BPIFB1: variants seen among roughly 807,000 people sequenced by gnomAD.
BPIFB1 encodes the protein BPI fold containing family B member 1, also known as BPI fold-containing family B member 1.
A neutral mutation model predicts 55.1 loss-of-function variants in BPIFB1; 34 were observed. The ratio of observed to expected loss-of-function variants is 0.62; its 90% CI spans 0.47 to 0.82. The LOEUF is 0.82. BPIFB1 is among the 40% of genes least tolerant of loss of function. BPIFB1 has a pLI of 0.00. For synonymous variants in BPIFB1, 236 were observed against 245.3 expected (o/e 0.96, Z 0.35); for missense variants, 532 against 593.1 (o/e 0.90, Z 1.07).
chr20:33,304,788 G>A, intron 12 of BPIFB1, 58 bp from the exon 13 acceptor site: 1 of 1,602,366 alleles, frequency 6.2e-7, no homozygotes, highest in Non-Finnish European at 8.6e-7. Flanking sequence ...TGTTGAATGA[G>A]TGGATGGTGA....
At chr20:33,288,664 TC>T in intron 2 of BPIFB1, 76 bp from the exon 3 acceptor site, 1 of 1,551,966 alleles carries the variant, frequency 6.4e-7, no homozygotes, top group Non-Finnish European at 8.8e-7. Context: ...GTGATACCCC[TC>T]CCCAGCCTGG....
chr20:33,297,351 G>A (rs1352690948), intron 6 of BPIFB1, among the ~76,000 whole-genome samples, 174 bp from the exon 7 acceptor site: 1 of 152,256 alleles, frequency 6.6e-6, no homozygotes, highest in Non-Finnish European at 1.5e-5. Context: ...GGTCCCAGGT[G>A]GCCCTGCAGG....
chr20:33,305,720 C>A (rs1291463388), intron 13 of BPIFB1, among the ~76,000 whole-genome samples: 1 of 152,120 alleles, frequency 6.6e-6, no homozygotes, highest in African/African-American at 2.4e-5. Context: ...TCCCTCAGGG[C>A]AAATTCAGCT....
intron 1 of BPIFB1, among the ~76,000 whole-genome samples, chr20:33,284,163 G>T (rs866001068): frequency 1.3e-5 from 2 of 152,160 alleles, no homozygotes; most frequent in African/African-American, 4.8e-5. Context: ...AAAAGCCTAT[G>T]ACATAAGTAC....
At chr20:33,307,124 A>G (rs1981057220) in intron 15 of BPIFB1, 137 bp downstream of exon 15, 2 of 702,192 alleles carry the variant, frequency 2.8e-6, no homozygotes, top group Admixed American at 2.3e-5. Context: ...TCAGGGCCTC[A>G]CCTCCTCATC....
chr20:33,299,585 T>C (rs912973201), intron 7 of BPIFB1, among the ~76,000 whole-genome samples: 1 of 152,208 alleles, frequency 6.6e-6, no homozygotes. Flanking sequence ...TCTCATAGTA[T>C]GGCTTTGAAC....
In BPIFB1 at chr20:33,285,851, A is replaced by T. The variant is rs574665216; in HGVS notation, c.-41-182A>T. 3.3e-5 allele frequency among the ~76,000 whole-genome samples: 5 copies of T among 152,328 alleles called. No individual in the cohort carries two copies. The South Asian group carries it at 1.0e-3, about 32-fold the overall frequency. On this transcript the variant is annotated intron_variant, in intron 1 of 15. Coordinates refer to ENST00000253354, the MANE Select transcript of BPIFB1 (RefSeq NM_033197.3). ...CTGGGAAGCTGGGGTCATTATCCCC[A>T]TTTGTCTGATAAGAAAACTGAGGCA...
At chr20:33,303,153 G>T (rs901741917) in intron 11 of BPIFB1, 79 bp downstream of exon 11, 2 of 1,552,690 alleles carry the variant, frequency 1.3e-6, no homozygotes, top group East Asian at 2.3e-5. Flanking sequence ...CTCTTGCTTT[G>T]TTAAACATTT....
chr20:33,289,271 C>T (rs141592012), intron 3 of BPIFB1, among the ~76,000 whole-genome samples: 1,658 of 151,916 alleles, frequency 0.011, 29 homozygotes, highest in African/African-American at 0.038. Context: ...ATCCCAGCTA[C>T]TCAGGAGGCT....
At chr20:33,297,407 G>C (rs1980688270) in intron 6 of BPIFB1, 118 bp from the exon 7 acceptor site, 1 of 1,065,836 alleles carries the variant, frequency 9.4e-7, no homozygotes, top group African/African-American at 1.6e-5. Context: ...GATGGAACCT[G>C]GCTGGCCATG....
At chr20:33,305,862 C>A in intron 13 of BPIFB1, 140 bp from the exon 14 acceptor site, 1 of 938,646 alleles carries the variant, frequency 1.1e-6, no homozygotes, top group East Asian at 2.5e-5. Flanking sequence ...GCCCCCACAG[C>A]TCTGATCAGC....
In BPIFB1 at chr20:33,309,461, G is replaced by C. The variant is rs1241245952; in HGVS notation, c.1396-247G>C. Among the ~76,000 whole-genome samples, 1 of 152,178 alleles carries C rather than the reference G, an allele frequency of 6.6e-6. No individual in the cohort carries two copies. Among genetic ancestry groups the C allele is most frequent in the Non-Finnish European group, 1.5e-5 (1 of 68,032 alleles). ...CCTACTGAGTGCGTGACTTTGGAAA[G>C]GGGCTTTTGCCATCTTCAAGTCTCA... is the stretch of plus-strand genomic sequence containing the variant. On this transcript the variant is annotated intron_variant, in intron 15 of 15. Transcript: ENST00000253354. This position sits in a 1 kb window ranked among gnomAD's most constrained non-coding sequence, Gnocchi z 4.4.
chr20:33,296,494 C>A (rs1303968246), intron 6 of BPIFB1, among the ~76,000 whole-genome samples: 3 of 152,200 alleles, frequency 2.0e-5, no homozygotes, highest in Non-Finnish European at 4.4e-5. Flanking sequence ...TTGACCTTCT[C>A]CCTAAGCAGA....
At chr20:33,296,248 T>C (rs189543839) in intron 6 of BPIFB1, among the ~76,000 whole-genome samples, 3 of 152,282 alleles carry the variant, frequency 2.0e-5, no homozygotes, top group African/African-American at 7.2e-5. Flanking sequence ...CCCGGGACAC[T>C]TTCCGGTGAG....
rs1182088784 is a variant in BPIFB1 at position 33,303,156 on chromosome 20, A to C, written c.1140+82A>C. 1.9e-6 allele frequency: 3 copies of C among 1,541,306 alleles called. No homozygotes were observed. In the East Asian group the frequency reaches 6.8e-5, roughly 35 times the overall value. On this transcript the variant is annotated intron_variant, in intron 11 of 15. Transcript: ENST00000253354. ...TTCCTGTTCGCCCTCTTGCTTTGTTAAACATTTCCACCACTCTCATCACTT... is the reference window on the plus strand; with the variant it reads ...TTCCTGTTCGCCCTCTTGCTTTGTTCAACATTTCCACCACTCTCATCACTT...
intron 6 of BPIFB1, among the ~76,000 whole-genome samples, chr20:33,295,129 C>A (rs1232602669): frequency 1.3e-5 from 2 of 151,946 alleles, no homozygotes; most frequent in African/African-American, 4.8e-5. Flanking sequence ...GCAGAAGAAT[C>A]ACTTGAACCC....
At chr20:33,296,158 G>T (rs577826930) in intron 6 of BPIFB1, among the ~76,000 whole-genome samples, 20 of 152,250 alleles carry the variant, frequency 1.3e-4, no homozygotes, top group Non-Finnish European at 2.8e-4. Context: ...GTATCCCAGA[G>T]GACTCTACTG....
intron 2 of BPIFB1, 88 bp downstream of exon 2, chr20:33,286,276 C>T (rs571625790): frequency 4.1e-5 from 47 of 1,160,414 alleles, no homozygotes; most frequent in South Asian, 2.1e-4. Flanking sequence ...TTCCTCATCA[C>T]GGGGGATGTG....
At chr20:33,295,181 C>T (rs556236026) in intron 6 of BPIFB1, among the ~76,000 whole-genome samples, 1 of 150,886 alleles carries the variant, frequency 6.6e-6, no homozygotes, top group Non-Finnish European at 1.5e-5. Flanking sequence ...CGCCACTGCA[C>T]TCCAGCCTGG....
Sources: gnomAD v4.1 joint callset for allele counts (sites outside exome capture counted in the v4.1 genomes callset) on GRCh38, gnomAD v4.1.1 for gene constraint, Gnocchi (gnomAD v3.1) non-coding constraint, MANE v1.5 for transcripts, NCBI Gene and HGNC (gene_info 2026-07-23, HGNC 2026-07-21) for gene names.